The following VSNL1 variants were observed in gnomAD, a reference collection of about 807,000 sequenced individuals.
VSNL1 encodes the protein visinin like 1.
In VSNL1, 6 loss-of-function variants were observed where a neutral mutation model predicts 20.4. The observed-to-expected ratio is 0.29, with a 90% CI of 0.16 to 0.58. VSNL1 has a LOEUF of 0.58. VSNL1 is among the 20% of genes least tolerant of loss of function. The pLI is 0.90. For missense variants in VSNL1, 100 were observed against 234.5 expected, an observed-to-expected ratio of 0.43 and a Z score of 3.75; for synonymous variants, 93 against 86.4, an observed-to-expected ratio of 1.08 and a Z score of -0.42.
At chr2:17,572,645 T>C (rs1664110237) in intron 1 of VSNL1, among the ~76,000 whole-genome samples, 1 of 152,234 alleles carries the variant, frequency 6.6e-6, no homozygotes, top group South Asian at 2.1e-4. Context: ...TATAGCTTGA[T>C]TGGAGTCATA....
intron 3 of VSNL1, among the ~76,000 whole-genome samples, chr2:17,654,925 T>C (rs1302162616): frequency 6.6e-6 from 1 of 152,200 alleles, no homozygotes; most frequent in Non-Finnish European, 1.5e-5. Context: ...AGCCCTGGAC[T>C]TACAGGAGCA....
At chr2:17,638,541 G>A (rs1665810437) in intron 2 of VSNL1, among the ~76,000 whole-genome samples, 1 of 152,120 alleles carries the variant, frequency 6.6e-6, no homozygotes, top group Non-Finnish European at 1.5e-5. Flanking sequence ...GGCATGATTG[G>A]AACCTGGACT....
At chr2:17,600,404 A>G (rs377675357) in intron 2 of VSNL1, among the ~76,000 whole-genome samples, 40 of 152,344 alleles carry the variant, frequency 2.6e-4, no homozygotes, top group African/African-American at 9.1e-4. Flanking sequence ...GTACCTCAGC[A>G]TGGGAGGATA....
chr2:17,557,341 A>G (rs1040839242), intron 1 of VSNL1, among the ~76,000 whole-genome samples: 1 of 152,182 alleles, frequency 6.6e-6, no homozygotes, highest in Non-Finnish European at 1.5e-5. Flanking sequence ...TTCTTTCAAC[A>G]AATATTTATT....
chr2:17,604,965 A>T (rs915278595), intron 2 of VSNL1, among the ~76,000 whole-genome samples: 1 of 152,214 alleles, frequency 6.6e-6, no homozygotes, highest in Non-Finnish European at 1.5e-5. Context: ...TAATAGCTGA[A>T]AAGGCAGCTG....
rs193052136 is a variant in VSNL1 at position 17,649,920 on chromosome 2, T to G, written c.378+295T>G. 1.4e-3 allele frequency among the ~76,000 whole-genome samples: 207 copies of G among 152,326 alleles called. 1 individual carries two copies. The highest frequency in any genetic ancestry group is 4.8e-3 in the African/African-American group (199 of 41,582). On this transcript the variant is annotated intron_variant, in intron 3 of 3. Transcript: ENST00000295156. The surrounding 1 kb of genome is among the most constrained non-coding windows in gnomAD (Gnocchi z 6.4). ...CACACAGGATGTCATGGGCTGTTTC[T>G]CTGGCACTTGGTGTATCTCTGCTCT... is the stretch of plus-strand genomic sequence containing the variant.
chr2:17,636,303 T>A (rs1167962356), intron 2 of VSNL1, among the ~76,000 whole-genome samples: 1 of 151,990 alleles, frequency 6.6e-6, no homozygotes, highest in East Asian at 1.9e-4. Flanking sequence ...CCTAGAAGAC[T>A]GGGGAGTCCA....
At chr2:17,578,840 A>G (rs1397883822) in intron 1 of VSNL1, among the ~76,000 whole-genome samples, 1 of 152,250 alleles carries the variant, frequency 6.6e-6, no homozygotes, top group East Asian at 1.9e-4. Flanking sequence ...AGAGCTGGAA[A>G]CACATCAAAC....
At chr2:17,557,549 G>A (rs1663714806) in intron 1 of VSNL1, among the ~76,000 whole-genome samples, 1 of 152,172 alleles carries the variant, frequency 6.6e-6, no homozygotes, top group Non-Finnish European at 1.5e-5. Context: ...GGGGCTGCTT[G>A]AAATAATAGA....
intron 1 of VSNL1, among the ~76,000 whole-genome samples, chr2:17,574,521 C>T (rs1375519973): frequency 1.3e-5 from 2 of 152,154 alleles, no homozygotes; most frequent in Admixed American, 6.5e-5. Flanking sequence ...ATTCTTTGAG[C>T]GTATTCAAGT....
chr2:17,566,012 G>A (rs1321530006), intron 1 of VSNL1, among the ~76,000 whole-genome samples: 1 of 152,148 alleles, frequency 6.6e-6, no homozygotes. Context: ...TAAGTTTCCT[G>A]AGGCCTCCCC....
chr2:17,604,975 G>T (rs1252355866), intron 2 of VSNL1, among the ~76,000 whole-genome samples: 1 of 152,202 alleles, frequency 6.6e-6, no homozygotes, highest in African/African-American at 2.4e-5. Flanking sequence ...AAAGGCAGCT[G>T]CTCTGTGGAG....
At chr2:17,643,819 ACAG>A (rs1385951137) in intron 2 of VSNL1, among the ~76,000 whole-genome samples, 1 of 152,220 alleles carries the variant, frequency 6.6e-6, no homozygotes, top group Non-Finnish European at 1.5e-5. Flanking sequence ...CTTTCAGACC[ACAG>A]CAGCAGCACG....
At chr2:17,572,919 A>C (rs1664115297) in intron 1 of VSNL1, among the ~76,000 whole-genome samples, 1 of 152,210 alleles carries the variant, frequency 6.6e-6, no homozygotes, top group South Asian at 2.1e-4. Flanking sequence ...CATAATAGCC[A>C]CATGAATCTC....
chr2:17,633,112 A>G (rs1386968570), intron 2 of VSNL1, among the ~76,000 whole-genome samples: 2 of 152,218 alleles, frequency 1.3e-5, no homozygotes, highest in Non-Finnish European at 2.9e-5. Flanking sequence ...CTGAAGGCGA[A>G]TGAGGAGCAA....
At chr2:17,560,746 T>C (rs140603690) in intron 1 of VSNL1, among the ~76,000 whole-genome samples, 86 of 152,334 alleles carry the variant, frequency 5.6e-4, no homozygotes, top group Admixed American at 1.2e-3. Flanking sequence ...TTTGACTCCA[T>C]AGAATTGTAA....
At chr2:17,640,261 A>AG (rs1665854060) in intron 2 of VSNL1, among the ~76,000 whole-genome samples, 1 of 151,660 alleles carries the variant, frequency 6.6e-6, no homozygotes, top group African/African-American at 2.4e-5. Flanking sequence ...TCAAAAAAAA[A>AG]AAAAAAAAGA....
At chr2:17,586,078 G>A (rs187813509) in intron 1 of VSNL1, among the ~76,000 whole-genome samples, 286 of 152,152 alleles carry the variant, frequency 1.9e-3, no homozygotes, top group African/African-American at 6.6e-3. Context: ...CAAAGCGCTG[G>A]GATTACAGGC....
intron 1 of VSNL1, among the ~76,000 whole-genome samples, chr2:17,591,558 C>T (rs1474515144): frequency 6.6e-6 from 1 of 152,044 alleles, no homozygotes; most frequent in African/African-American, 2.4e-5. Context: ...GAAAAAAGCT[C>T]CAACTTGAAC....
Sources: gnomAD v4.1 joint callset for allele counts (sites outside exome capture counted in the v4.1 genomes callset) on GRCh38, gnomAD v4.1.1 for gene constraint, Gnocchi (gnomAD v3.1) non-coding constraint, MANE v1.5 for transcripts, NCBI Gene and HGNC (gene_info 2026-07-23, HGNC 2026-07-21) for gene names.